Variants in LRRC75A observed in about 807,000 individuals in gnomAD.
LRRC75A encodes the protein leucine rich repeat containing 75A.
LRRC75A carries 12 observed loss-of-function variants against 26.0 expected under a neutral mutation model. That is an observed-to-expected ratio of 0.46 (90% CI 0.30 to 0.75). LRRC75A has a LOEUF of 0.75. Ranked by LOEUF, LRRC75A falls within the 30% of genes least tolerant of loss-of-function variation. The pLI, the probability that LRRC75A is intolerant of heterozygous loss-of-function variation, is 0.08. For missense variants in LRRC75A, 410 were observed against 486.6 expected, an observed-to-expected ratio of 0.84 and a Z score of 1.48; for synonymous variants, 223 against 219.3, an observed-to-expected ratio of 1.02 and a Z score of -0.15.
chr17:16,476,958 T>G (rs2143384032), intron 1 of LRRC75A, among the ~76,000 whole-genome samples: 1 of 151,228 alleles, frequency 6.6e-6, no homozygotes, highest in East Asian at 2.0e-4. Flanking sequence ...CAGGATGGTC[T>G]CAATCTCCTG....
At chr17:16,477,615 G>A (rs947193249) in intron 1 of LRRC75A, among the ~76,000 whole-genome samples, 1 of 152,228 alleles carries the variant, frequency 6.6e-6, no homozygotes, top group Non-Finnish European at 1.5e-5. Flanking sequence ...TGGGCAGTGG[G>A]GAGGGCAGAA....
In LRRC75A at chr17:16,491,613, A is replaced by T. The variant is rs2093857363; in HGVS notation, c.246+132T>A. 6 of 567,582 alleles carry T rather than the reference A, an allele frequency of 1.1e-5. No homozygotes were observed. In the Admixed American group the frequency reaches 2.8e-4, roughly 26 times the overall value. 35.2% of individuals were successfully genotyped at this position (567,582 alleles called of 1,614,324 possible). A position where few individuals can be genotyped will look rare whatever the true frequency, so the allele number is the denominator to read the frequency against. ...GGCACCTGCTGCCAGACAGGGCTCC[A>T]TCCCCGCGGAAGGGGCCCCTGGGCG... On this transcript the variant is annotated intron_variant, in intron 1 of 3. Transcript: ENST00000470794. The surrounding 1 kb of genome is among the most constrained non-coding windows in gnomAD (Gnocchi z 5.9).
Position 16,466,841 on chromosome 17 carries a change from C to A in LRRC75A, c.247-4455G>T, listed in dbSNP as rs372807684. On this transcript the variant is annotated intron_variant, in intron 1 of 3. Coordinates refer to ENST00000470794, the MANE Select transcript of LRRC75A (RefSeq NM_001113567.3). The stretch of plus-strand genomic sequence containing the variant: ...AAAGTGAGTAGAGATTTACACAGGG[C>A]AGTCAGAATGGCATTTCTCAAAGTG... 5.1e-4 allele frequency among the ~76,000 whole-genome samples: 78 copies of A among 152,302 alleles called. 2 individuals carry two copies. In the South Asian group the frequency reaches 0.015, roughly 30 times the overall value.
chr17:16,448,922 G>A (rs1025342881), intron 2 of LRRC75A, among the ~76,000 whole-genome samples: 3 of 152,168 alleles, frequency 2.0e-5, no homozygotes, highest in African/African-American at 7.2e-5. Context: ...GCAGACACTG[G>A]GTTAAATGGT....
rs987964178 is a variant in LRRC75A, at chr17:16,442,325, T to A, written c.*1263A>T. 1 of 152,314 alleles carries A rather than the reference T, an allele frequency of 6.6e-6. No individual in the cohort carries two copies. The highest frequency in any genetic ancestry group is 1.5e-5 in the Non-Finnish European group (1 of 68,094). The allele number at this position is 152,314 out of a possible 1,614,324, so 9.4% of individuals were successfully genotyped here. On this transcript the variant is annotated 3_prime_UTR_variant, in exon 4 of 4. Coordinates refer to ENST00000470794, the MANE Select transcript of LRRC75A (RefSeq NM_001113567.3). ...ATACTCTAGGCCCCATCTTGCTGTC[T>A]TCCTGTGTTGGAATCTTGCCTACCA...
Position 16,448,139 on chromosome 17 carries a change from C to T in LRRC75A, c.376-179G>A, listed in dbSNP as rs1416744575. On this transcript the variant is annotated intron_variant, in intron 2 of 3. Transcript: ENST00000470794. ...ACAGCAGTGGCTGCAAACAGATCTG[C>T]AGGATGGTTTTAGTTTTTGTGAATT... 7.9e-6 allele frequency: 5 copies of T among 632,162 alleles called. No homozygotes were observed. The South Asian group carries it at 8.2e-5, about 10-fold the overall frequency. 39.2% of individuals were successfully genotyped at this position (632,162 alleles called of 1,614,324 possible). A position where few individuals can be genotyped will look rare whatever the true frequency, so the allele number is the denominator to read the frequency against.
chr17:16,463,742 TGGA>T (rs2093746045), intron 1 of LRRC75A: 1 of 152,282 alleles, frequency 6.6e-6, no homozygotes, highest in African/African-American at 2.4e-5. Context: ...GCACGCAGGC[TGGA>T]CATCATCATA....
chr17:16,455,057 C>G (rs1317988901), intron 2 of LRRC75A, among the ~76,000 whole-genome samples: 1 of 151,964 alleles, frequency 6.6e-6, no homozygotes, highest in South Asian at 2.1e-4. Flanking sequence ...CTTAGCCTCC[C>G]GAGTAGCTGG....
At chr17:16,449,201 C>T (rs1025317943) in intron 2 of LRRC75A, among the ~76,000 whole-genome samples, 1 of 152,220 alleles carries the variant, frequency 6.6e-6, no homozygotes. Flanking sequence ...CAGTGCTCAG[C>T]ATGGTGCCTG....
At chr17:16,488,652 G>C (rs540051131) in intron 1 of LRRC75A, among the ~76,000 whole-genome samples, 1 of 152,344 alleles carries the variant, frequency 6.6e-6, no homozygotes, top group South Asian at 2.1e-4. Context: ...CTGCCTACTT[G>C]ATCCTTGGCC....
intron 2 of LRRC75A, among the ~76,000 whole-genome samples, chr17:16,456,173 TAGGAGGAGGAAGAGGAGGA>T (rs2093677790): frequency 8.1e-5 from 4 of 49,606 alleles, no homozygotes; most frequent in Admixed American, 2.3e-4. Flanking sequence ...AGAGGAGGGG[TAGGAGGAGGAAGAGGAGGA>T]AGGAGGAGGA....
intron 1 of LRRC75A, among the ~76,000 whole-genome samples, chr17:16,485,656 G>C (rs573875629): frequency 4.7e-4 from 58 of 123,304 alleles, no homozygotes; most frequent in Non-Finnish European, 6.7e-4. Flanking sequence ...GTGTGTGTGT[G>C]TGTGTGTGTG....
At chr17:16,476,024 C>T (rs1008210050) in intron 1 of LRRC75A, among the ~76,000 whole-genome samples, 3 of 152,068 alleles carry the variant, frequency 2.0e-5, no homozygotes, top group African/African-American at 7.2e-5. Flanking sequence ...AACCCCATCT[C>T]TACTAAAAAA....
At chr17:16,448,070 G>T in intron 2 of LRRC75A, 110 bp from the exon 3 acceptor site, 1 of 987,324 alleles carries the variant, frequency 1.0e-6, no homozygotes, top group Non-Finnish European at 1.6e-6. Context: ...GGCTGAGCTG[G>T]GGGAGGCCCT....
intron 2 of LRRC75A, among the ~76,000 whole-genome samples, chr17:16,457,618 A>G (rs1366348590): frequency 6.6e-6 from 1 of 152,148 alleles, no homozygotes; most frequent in Non-Finnish European, 1.5e-5. Context: ...GAGCAACAGA[A>G]TCATTAGAAC....
Position 16,462,206 on chromosome 17 carries a change from G to T in LRRC75A, c.375+52C>A. 6.2e-7 allele frequency: 1 copy of T among 1,606,636 alleles called. No individual in the cohort carries two copies. Among genetic ancestry groups the T allele is most frequent in the Non-Finnish European group, 8.5e-7 (1 of 1,176,026 alleles). On this transcript the variant is annotated intron_variant, in intron 2 of 3. Transcript: ENST00000470794. This position sits in a 1 kb window ranked among gnomAD's most constrained non-coding sequence, Gnocchi z 4.6. ...GCATACAGCTGCTCTGCCCAGAAAGGCACCCACCGCACACCCCGGGACCTG... is the reference window on the plus strand; with the variant it reads ...GCATACAGCTGCTCTGCCCAGAAAGTCACCCACCGCACACCCCGGGACCTG...
intron 1 of LRRC75A, among the ~76,000 whole-genome samples, chr17:16,469,474 C>T (rs2093794191): frequency 6.6e-6 from 1 of 152,172 alleles, no homozygotes; most frequent in South Asian, 2.1e-4. Context: ...CCAGCTTGTG[C>T]ACTCTCAAAG....
chr17:16,472,576 A>G (rs1267902079), intron 1 of LRRC75A, among the ~76,000 whole-genome samples: 1 of 152,202 alleles, frequency 6.6e-6, no homozygotes. Flanking sequence ...ACAGTTACAC[A>G]GGGTGGCCCT....
At chr17:16,455,079 C>T (rs575713909) in intron 2 of LRRC75A, among the ~76,000 whole-genome samples, 2 of 151,892 alleles carry the variant, frequency 1.3e-5, no homozygotes, top group African/African-American at 2.4e-5. Context: ...ATTACAGGCG[C>T]GTGCCACCAC....
Sources: allele counts gnomAD v4.1 joint callset (sites outside exome capture counted in the v4.1 genomes callset), GRCh38; gene constraint gnomAD v4.1.1; non-coding constraint Gnocchi (gnomAD v3.1); transcripts MANE v1.5; gene names NCBI Gene and HGNC (gene_info 2026-07-23, HGNC 2026-07-21).